ZNF226: variants seen among roughly 807,000 people sequenced by gnomAD.
ZNF226 encodes the protein zinc finger protein 226, also known as Kruppel-associated box protein.
In ZNF226, 6 loss-of-function variants were observed where a neutral mutation model predicts 11.4. That is an observed-to-expected ratio of 0.53 (90% confidence interval 0.29 to 1.04). The LOEUF is 1.04. ZNF226 is among the 50% of genes least tolerant of loss of function. The pLI is 0.08. For missense variants in ZNF226, 1,058 were observed against 956.5 expected (o/e 1.11, Z -1.40); for synonymous variants, 350 against 322.8 (o/e 1.08, Z -0.90).
chr19:44,172,815 A>G, intron 4 of ZNF226, 45 bp from the exon 5 acceptor site: 1 of 1,495,870 alleles, frequency 6.7e-7, no homozygotes, highest in Non-Finnish European at 9.1e-7. Context: ...GTGTATTTTA[A>G]CTCTAATATG....
At chr19:44,193,560 C>G in the ZNF226 span, among the ~76,000 whole-genome samples, 1 of 151,458 alleles carries the variant, frequency 6.6e-6, no homozygotes, top group Admixed American at 6.6e-5. Flanking sequence ...CTTTTTTCCT[C>G]TTCAATTTTA....
At chr19:44,180,189 C>T (rs1281422239), downstream of ZNF226, among the ~76,000 whole-genome samples, 3 of 151,418 alleles carry the variant, frequency 2.0e-5, no homozygotes, top group Non-Finnish European at 4.4e-5. Flanking sequence ...ACAAAGATTC[C>T]CTGAGGAAAA....
intron 2 of ZNF226, among the ~76,000 whole-genome samples, chr19:44,167,314 C>CTTTTTTTT (rs35919865): frequency 1.9e-5 from 2 of 105,688 alleles, no homozygotes; most frequent in African/African-American, 3.7e-5. Context: ...ATTTCTTTAA[C>CTTTTTTTT]TTTTTTTTTT....
chr19:44,197,988 A>G, the ZNF226 span, among the ~76,000 whole-genome samples: 566 of 152,308 alleles, frequency 3.7e-3, 1 homozygote, highest in African/African-American at 0.013. Context: ...TATATTCCAT[A>G]TCATATTGAT....
At chr19:44,172,818 C>CT (rs1555783292) in intron 4 of ZNF226, 42 bp from the exon 5 acceptor site, 1 of 1,513,308 alleles carries the variant, frequency 6.6e-7, no homozygotes, top group Non-Finnish European at 9.0e-7. Context: ...TATTTTAACT[C>CT]TAATATGTTC....
At position 44,176,855 on chromosome 19, in the gene ZNF226, T is replaced by C. The variant is rs772104222; in HGVS notation, c.1593T>C (p.Tyr531=). The change falls in exon 6 of 6, where the codon TAT becomes TAC. Residue 531 remains tyrosine, a synonymous_variant. Coordinates refer to ENST00000337433, the MANE Select transcript of ZNF226 (RefSeq NM_001032373.2). ...TGGTCCACACAGGAGAGAAACCCTA[T>C]AAATGTGAGATATGTGGGAAGGGCT... ...HLVVHTGEKP[Y]KCEICGKGFS... is the part of the protein sequence containing the mutation. 10 of 1,613,734 alleles carry C rather than the reference T, an allele frequency of 6.2e-6. No homozygotes were observed. Among genetic ancestry groups the C allele is most frequent in the Non-Finnish European group, 8.5e-6 (10 of 1,179,890 alleles).
In ZNF226 at chr19:44,175,957, A is replaced by G. The variant is rs748773219; in HGVS notation, c.695A>G (p.Asp232Gly). The change falls in exon 6 of 6, where the codon GAC (aspartate) becomes GGC (glycine). Residue 232 changes from aspartate (D) to glycine (G), a missense_variant. Transcript: ENST00000337433. ...KSYRPNDYEK[D>G]NMKILTFDHN... is the part of the protein sequence containing the mutation. The stretch of plus-strand genomic sequence containing the variant: ...TATAGACCCAATGATTATGAAAAAG[A>G]CAACATGAAGATTTTGACATTTGAT... 1 of 1,613,874 alleles carries G rather than the reference A, an allele frequency of 6.2e-7. No homozygotes were observed. The highest frequency in any genetic ancestry group is 8.5e-7 in the Non-Finnish European group (1 of 1,179,852).
chr19:44,182,376 C>A (rs1261757134), downstream of ZNF226, among the ~76,000 whole-genome samples: 3 of 146,366 alleles, frequency 2.0e-5, no homozygotes, highest in African/African-American at 5.4e-5. Context: ...CACACACAAA[C>A]ACACACACCT....
chr19:44,165,171 C>G (rs1300742717), intron 1 of ZNF226, 29 bp downstream of exon 1: 2 of 152,182 alleles, frequency 1.3e-5, no homozygotes, highest in Non-Finnish European at 2.9e-5. Context: ...TTTCAAACTT[C>G]CCCGAAATGC....
the ZNF226 span, among the ~76,000 whole-genome samples, chr19:44,192,353 C>T: frequency 1.3e-5 from 2 of 152,078 alleles, no homozygotes; most frequent in Admixed American, 6.6e-5. Flanking sequence ...GAGAGAGTTA[C>T]AGGAGCTGAC....
rs892415758 is a variant in ZNF226, at chr19:44,177,217, T to G, written c.1955T>G (p.Phe652Cys). Residue 652 changes from phenylalanine (F) to cysteine (C), a missense_variant, in exon 6 of 6, where the codon TTC (phenylalanine) becomes TGC (cysteine). Phe to Cys is a radical substitution (Grantham distance 205, BLOSUM62 -2). Coordinates refer to ENST00000337433, the MANE Select transcript of ZNF226 (RefSeq NM_001032373.2). ...PFKCEECGKS[F>C]GRSAHLQAHQ... Reference sequence around the variant, plus strand: ...AAATGTGAAGAATGTGGGAAGAGTTTCGGTCGGAGTGCACATCTTCAAGCC... The same window carrying G: ...AAATGTGAAGAATGTGGGAAGAGTTGCGGTCGGAGTGCACATCTTCAAGCC... The G allele has an allele frequency of 1.2e-6, 2 of 1,613,904 alleles. No homozygotes were observed. Among genetic ancestry groups the G allele is most frequent in the Non-Finnish European group, 1.7e-6 (2 of 1,179,992 alleles).
downstream of ZNF226, among the ~76,000 whole-genome samples, chr19:44,180,684 A>G (rs1271854509): frequency 6.6e-6 from 1 of 152,164 alleles, no homozygotes; most frequent in African/African-American, 2.4e-5. Context: ...TGTGACAAAA[A>G]CTATGGACCA....
chr19:44,195,353 C>T, the ZNF226 span, among the ~76,000 whole-genome samples: 10 of 152,312 alleles, frequency 6.6e-5, no homozygotes, highest in African/African-American at 9.6e-5. Context: ...GTTGGTACCT[C>T]ACTAGATTCC....
chr19:44,175,706 T>C lies in ZNF226; in HGVS notation c.444T>C (p.Tyr148=). ...TTCAAATTTCTGAAGATGAGAACTA[T>C]ATAGTAAATAAAGCAGATGGTCCCA... is the stretch of plus-strand genomic sequence containing the variant. ...LSIQISEDEN[Y]IVNKADGPNN... Residue 148 remains tyrosine, a synonymous_variant, in exon 6 of 6, where the codon TAT becomes TAC. Coordinates refer to ENST00000337433, the MANE Select transcript of ZNF226 (RefSeq NM_001032373.2). 6.2e-7 allele frequency: 1 copy of C among 1,612,730 alleles called. No individual in the cohort carries two copies. Among genetic ancestry groups the C allele is most frequent in the Non-Finnish European group, 8.5e-7 (1 of 1,179,512 alleles).
the ZNF226 span, among the ~76,000 whole-genome samples, chr19:44,191,766 A>T: frequency 2.1e-5 from 3 of 139,730 alleles, no homozygotes; most frequent in Non-Finnish European, 4.9e-5. Context: ...TACATGGATT[A>T]AAAAAAAAAA....
rs761730555 is a variant in ZNF226, at chr19:44,177,670, A to C, written c.2408A>C (p.Lys803Thr). The C allele has an allele frequency of 6.3e-7, 1 of 1,575,056 alleles. No individual in the cohort carries two copies. The highest frequency in any genetic ancestry group is 1.9e-5 in the Admixed American group (1 of 53,304). The change falls in exon 6 of 6, where the codon AAA becomes ACA. Residue 803 changes from lysine (K) to threonine (T), a missense_variant. Physicochemically the swap from Lys to Thr is moderately conservative, Grantham distance 78 (BLOSUM62 -1). Coordinates refer to ENST00000337433, the MANE Select transcript of ZNF226 (RefSeq NM_001032373.2). ...TCCACACAGGAAAAAAAATCTATAAAATGATTCTTTGTGAAGACTCGTGTC... is the reference window on the plus strand; with the variant it reads ...TCCACACAGGAAAAAAAATCTATAACATGATTCTTTGTGAAGACTCGTGTC... Reference protein sequence around the residue: ...RESTQEKKSIK With the variant: ...RESTQEKKSIT
chr19:44,180,350 G>A (rs1033182729), downstream of ZNF226, among the ~76,000 whole-genome samples: 4 of 152,178 alleles, frequency 2.6e-5, no homozygotes, highest in African/African-American at 9.7e-5. Flanking sequence ...GGATATATCT[G>A]TGAGGTTTCC....
intron 3 of ZNF226, among the ~76,000 whole-genome samples, chr19:44,171,597 G>C (rs1970098903): frequency 1.3e-5 from 2 of 152,168 alleles, no homozygotes; most frequent in Non-Finnish European, 1.5e-5. Context: ...GAAAAATGAG[G>C]AACGTGCTCA....
the ZNF226 span, among the ~76,000 whole-genome samples, chr19:44,186,348 C>A: frequency 4.5e-4 from 69 of 151,818 alleles, no homozygotes; most frequent in Non-Finnish European, 2.2e-4. Context: ...GGATGAGTTC[C>A]CATTTATTTG....
Sources: gnomAD v4.1 joint callset for allele counts (sites outside exome capture counted in the v4.1 genomes callset) on GRCh38, gnomAD v4.1.1 for gene constraint, MANE v1.5 for transcripts, NCBI Gene and HGNC (gene_info 2026-07-23, HGNC 2026-07-21) for gene names.